The following DNHD1 variants were observed in gnomAD, a reference collection of about 807,000 sequenced individuals.
DNHD1 encodes dynein heavy chain domain 1.
DNHD1 carries 383 observed loss-of-function variants against 458.1 expected under a neutral mutation model. That is an observed-to-expected ratio of 0.84 (90% CI 0.77 to 0.91). The LOEUF is 0.91. DNHD1 is among the 40% of genes least tolerant of loss of function. DNHD1 has a pLI of 0.00. For synonymous variants in DNHD1, 2,203 were observed against 2,376.9 expected (o/e 0.93, Z 2.13); for missense variants, 5,336 against 5,866.1 (o/e 0.91, Z 2.95).
Position 6,566,281 on chromosome 11 carries a change from G to A in DNHD1, c.11094G>A (p.Gly3698=). The A allele has an allele frequency of 1.3e-6, 2 of 1,551,816 alleles. No homozygotes were observed. Among genetic ancestry groups the A allele is most frequent in the Non-Finnish European group, 1.7e-6 (2 of 1,147,040 alleles). The change falls in exon 34 of 43, where the codon GGG becomes GGA. Residue 3698 remains glycine, a synonymous_variant. Coordinates refer to ENST00000254579, the MANE Select transcript of DNHD1 (RefSeq NM_144666.3). The part of the protein sequence containing the change: ...VLLTNVELGL[G]CEELQWLLQR... Reference sequence around the variant, plus strand: ...TGACCAATGTGGAGCTGGGTCTAGGGTGCGAAGAACTGCAATGGCTGCTGC... The same window carrying A: ...TGACCAATGTGGAGCTGGGTCTAGGATGCGAAGAACTGCAATGGCTGCTGC...
chr11:6,499,090 C>T, intron 3 of DNHD1, 129 bp downstream of exon 3: 1 of 1,085,654 alleles, frequency 9.2e-7, no homozygotes, highest in Non-Finnish European at 1.3e-6. Flanking sequence ...CAACTCCACA[C>T]AAAGCTAGTG....
intron 7 of DNHD1, among the ~76,000 whole-genome samples, chr11:6,513,521 C>T (rs776404332): frequency 5.9e-5 from 9 of 152,156 alleles, no homozygotes; most frequent in South Asian, 2.1e-4. Flanking sequence ...GAGATTTATC[C>T]GTAATGTTCT....
At chr11:6,506,346 G>A (rs1438025319) in intron 4 of DNHD1, among the ~76,000 whole-genome samples, 3 of 152,094 alleles carry the variant, frequency 2.0e-5, no homozygotes, top group East Asian at 1.9e-4. Flanking sequence ...TTGGGGTCTC[G>A]ACCCAAAGGC....
At chr11:6,533,630 A>AGAGGT in intron 13 of DNHD1, 51 bp from the exon 14 acceptor site, 1 of 1,501,898 alleles carries the variant, frequency 6.7e-7, no homozygotes. Flanking sequence ...ATGGGACCAA[A>AGAGGT]GAGGTACATG....
rs1244518474 is a variant in DNHD1, at chr11:6,546,667, G to GCCCTACTGCATA, written c.5737_5738insATACCCTACTGC (p.Leu1912_Arg1913insHisThrLeuLeu). 3 of 1,551,556 alleles carry GCCCTACTGCATA rather than the reference G, an allele frequency of 1.9e-6. No homozygotes were observed. The highest frequency in any genetic ancestry group is 2.4e-5 in the South Asian group (2 of 84,062). ...CAGCCTAGCTGCCATTGAGGAGGCT[G>GCCCTACTGCATA]CCCTACTGCGCTCACCACTGTTTAG... On this transcript the variant is annotated inframe_insertion, in exon 21 of 43. Transcript: ENST00000254579.
rs565077437 is a variant in DNHD1 at position 6,567,149 on chromosome 11, C to G, written c.11640C>G (p.Asn3880Lys). The G allele has an allele frequency of 3.1e-6, 5 of 1,613,954 alleles. No individual in the cohort carries two copies. Among genetic ancestry groups the G allele is most frequent in the Non-Finnish European group, 4.2e-6 (5 of 1,179,902 alleles). Residue 3880 changes from asparagine to lysine, a missense_variant, in exon 36 of 43, where the codon AAC becomes AAG. Around this residue, in one of 4 missense-constraint regions of DNHD1, gnomAD observed 695 missense variants for 804.2 expected, o/e 0.86. Coordinates refer to ENST00000254579, the MANE Select transcript of DNHD1 (RefSeq NM_144666.3). ...LLPLFCMSPE[N>K]WLAVTKQALD... Reference sequence around the variant, plus strand: ...CACTTTTCTGTATGAGCCCAGAGAACTGGCTGGCAGTCACTAAGCAGGCTC... The same window carrying G: ...CACTTTTCTGTATGAGCCCAGAGAAGTGGCTGGCAGTCACTAAGCAGGCTC...
At chr11:6,522,853 A>G (rs567260295) in intron 10 of DNHD1, among the ~76,000 whole-genome samples, 3 of 152,364 alleles carry the variant, frequency 2.0e-5, no homozygotes, top group African/African-American at 7.2e-5. Context: ...GATTCTAATC[A>G]CTAAAAGAAT....
intron 4 of DNHD1, 142 bp from the exon 5 acceptor site, chr11:6,508,738 C>A: frequency 2.9e-6 from 2 of 681,188 alleles, no homozygotes; most frequent in Non-Finnish European, 2.4e-6. Context: ...GTTTAAAAAT[C>A]ATTCTGCTCT....
At chr11:6,568,599 G>A (rs753845693) in intron 38 of DNHD1, 23 bp downstream of exon 38, 1 of 1,613,874 alleles carries the variant, frequency 6.2e-7, no homozygotes, top group South Asian at 1.1e-5. Context: ...ACCCCCTACA[G>A]GCTCTCAAAT....
At position 6,534,061 on chromosome 11, in the gene DNHD1, C is replaced by A; in HGVS notation, c.2886C>A (p.Asp962Glu). 1 of 1,551,556 alleles carries A rather than the reference C, an allele frequency of 6.4e-7. No individual in the cohort carries two copies. Among genetic ancestry groups the A allele is most frequent in the Non-Finnish European group, 8.7e-7 (1 of 1,146,952 alleles). Residue 962 changes from aspartate (D) to glutamate (E), a missense_variant, in exon 14 of 43, where the codon GAC becomes GAA. This residue lies in a region of DNHD1 where 3,932 missense variants were observed against 4,365.6 expected (regional missense o/e 0.90). Transcript: ENST00000254579. The stretch of plus-strand genomic sequence containing the variant: ...AGGCCCTCTCCGGTCCCTTTATGGA[C>A]CCCACACAAGATCAGAGGAGTACTG... The part of the protein sequence containing the change: ...LAKALSGPFM[D>E]PTQDQRSTEH...
chr11:6,571,228 G>C lies in DNHD1; in HGVS notation c.13716G>C (p.Ala4572=), dbSNP rs747193105. The C allele has an allele frequency of 1.7e-5, 28 of 1,611,944 alleles. No individual in the cohort carries two copies. The highest frequency in any genetic ancestry group is 2.3e-5 in the Non-Finnish European group (27 of 1,179,428). ...LVRYLGVGAD[A]SSDVPERVFH... ...GTTACTTGGGCGTGGGCGCGGACGC[G>C]AGCAGTGATGTACCAGAGCGCGTCT... is the stretch of plus-strand genomic sequence containing the variant. Residue 4572 remains alanine (A), a synonymous_variant, in exon 42 of 43, where the codon GCG becomes GCC. Transcript: ENST00000254579. The surrounding 1 kb of genome is among the most constrained non-coding windows in gnomAD (Gnocchi z 5.0).
At chr11:6,549,126 T>G (rs953499640) in intron 24 of DNHD1, 193 bp downstream of exon 24, 1 of 642,218 alleles carries the variant, frequency 1.6e-6, no homozygotes, top group East Asian at 2.8e-5. Flanking sequence ...TCTGCTTTGC[T>G]AAATCTCTGT....
chr11:6,547,692 A>G, intron 21 of DNHD1, 26 bp downstream of exon 21: 2 of 1,506,178 alleles, frequency 1.3e-6, no homozygotes, highest in Non-Finnish European at 1.8e-6. Flanking sequence ...GGCTGGTTTG[A>G]GAGAGATGGG....
Position 6,547,659 on chromosome 11 carries a change from T to C in DNHD1, c.6720T>C (p.Pro2240=). The C allele has an allele frequency of 6.6e-7, 1 of 1,519,786 alleles. No homozygotes were observed. Among genetic ancestry groups the C allele is most frequent in the Middle Eastern group, 1.7e-4 (1 of 5,826 alleles). 94.1% of individuals were successfully genotyped at this position (1,519,786 alleles called of 1,614,324 possible). A position where few individuals can be genotyped will look rare whatever the true frequency, so the allele number is the denominator to read the frequency against. The change falls in exon 21 of 43, where the codon CCT becomes CCC. Residue 2240 remains proline, a synonymous_variant. Transcript: ENST00000254579. ...TTCGCCTAAAGGAGGAGAAGGCCCC[T>C]GGCCCAGGTGGGAAGATGGACGGGC... The part of the protein sequence containing the change: ...LHLRLKEEKA[P]GPEDLSYSDP...
At position 6,563,680 on chromosome 11, in the gene DNHD1, T is replaced by G. The variant is rs1853629649; in HGVS notation, c.9853-13T>G. ...CCGTGGCTTCCCCATCCCGTTAACA[T>G]ACATCCTTCCAGGAGCTGGTGTTCT... On this transcript the variant is annotated splice_polypyrimidine_tract_variant and intron_variant, in intron 30 of 42. Coordinates refer to ENST00000254579, the MANE Select transcript of DNHD1 (RefSeq NM_144666.3). The G allele has an allele frequency of 1.9e-6, 3 of 1,544,258 alleles. No individual in the cohort carries two copies.
Position 6,547,272 on chromosome 11 carries a change from CA to C in DNHD1, c.6334del (p.Ser2112ValfsTer5), listed in dbSNP as rs1564816583. ...LSELPQLSLPSGQQIARPPGT... is the reference protein window; with the variant it reads ...LSELPQLSLPXGQQIARPPGT... Reference sequence around the variant, plus strand: ...GTGAGCTTCCCCAGCTTAGTCTCCCCAGTGGACAGCAGATAGCACGACCCCC... The same window carrying C: ...GTGAGCTTCCCCAGCTTAGTCTCCCCGTGGACAGCAGATAGCACGACCCCC... On this transcript the variant is annotated frameshift_variant, in exon 21 of 43. Transcript: ENST00000254579. LOFTEE classifies it high-confidence loss of function. 6.4e-7 allele frequency: 1 copy of C among 1,551,790 alleles called. No homozygotes were observed. Among genetic ancestry groups the C allele is most frequent in the Non-Finnish European group, 8.7e-7 (1 of 1,146,972 alleles).
intron 24 of DNHD1, among the ~76,000 whole-genome samples, chr11:6,549,559 C>T (rs1196648721): frequency 6.6e-6 from 1 of 152,220 alleles, no homozygotes; most frequent in African/African-American, 2.4e-5. Flanking sequence ...TTGCTGTCCT[C>T]TCTGCCTTCT....
chr11:6,512,211 C>CTCTTTTT (rs1852347476), intron 7 of DNHD1, among the ~76,000 whole-genome samples: 2 of 91,630 alleles, frequency 2.2e-5, no homozygotes, highest in South Asian at 7.9e-4. Flanking sequence ...CTTTTTCTTT[C>CTCTTTTT]TTTTTTTTTT....
chr11:6,570,707 G>A lies in DNHD1; in HGVS notation c.13195G>A (p.Glu4399Lys). Residue 4399 changes from glutamate (E) to lysine (K), a missense_variant, in exon 42 of 43, where the codon GAG (glutamate) becomes AAG (lysine). Around this residue, in one of 4 missense-constraint regions of DNHD1, gnomAD observed 698 missense variants for 664.9 expected, o/e 1.05. Coordinates refer to ENST00000254579, the MANE Select transcript of DNHD1 (RefSeq NM_144666.3). ...TGAACCCCGGCTCTGCGGACTGAGTGAGGGCCCCCAAGCCTGGCTGTTGCG... is the reference window on the plus strand; with the variant it reads ...TGAACCCCGGCTCTGCGGACTGAGTAAGGGCCCCCAAGCCTGGCTGTTGCG... ...PPEPRLCGLS[E>K]GPQAWLLRRQ... 1 of 1,611,376 alleles carries A rather than the reference G, an allele frequency of 6.2e-7. No homozygotes were observed. Among genetic ancestry groups the A allele is most frequent in the Non-Finnish European group, 8.5e-7 (1 of 1,178,840 alleles).
Sources: allele counts gnomAD v4.1 joint callset (sites outside exome capture counted in the v4.1 genomes callset), GRCh38; gene constraint gnomAD v4.1.1; regional missense constraint gnomAD v4.1.1; non-coding constraint Gnocchi (gnomAD v3.1); transcripts MANE v1.5; gene names NCBI Gene and HGNC (gene_info 2026-07-23, HGNC 2026-07-21).